Variants in AHI1 observed in about 807,000 individuals in gnomAD.
AHI1 encodes Abelson helper integration site 1.
AHI1 carries 123 observed loss-of-function variants against 149.3 expected under a neutral mutation model. The observed-to-expected ratio is 0.82, with a 90% CI of 0.71 to 0.96. AHI1 has a LOEUF of 0.96. Among genes scored for constraint, AHI1 ranks in the 40% least tolerant of loss-of-function variants. AHI1 has a pLI of 0.00. For synonymous variants in AHI1, 475 were observed against 459.8 expected, an observed-to-expected ratio of 1.03 and a Z score of -0.42; for missense variants, 1,439 against 1,422.7, an observed-to-expected ratio of 1.01 and a Z score of -0.18.
At chr6:135,414,067 G>A (rs1312910461) in intron 20 of AHI1, among the ~76,000 whole-genome samples, 1 of 152,066 alleles carries the variant, frequency 6.6e-6, no homozygotes, top group Non-Finnish European at 1.5e-5. Context: ...AAGAATACCT[G>A]ACTTCAAATC....
chr6:135,455,711 G>A (rs1788826010), intron 10 of AHI1, 23 bp downstream of exon 10: 1 of 1,475,342 alleles, frequency 6.8e-7, no homozygotes, highest in Non-Finnish European at 9.2e-7. Flanking sequence ...CGTTTAATTT[G>A]AATTGGTCCA....
chr6:135,399,931 G>A (rs1779779479), intron 22 of AHI1, among the ~76,000 whole-genome samples: 1 of 151,824 alleles, frequency 6.6e-6, no homozygotes, highest in South Asian at 2.1e-4. Flanking sequence ...AGGTCCAGGG[G>A]TGCATGTGAA....
intron 23 of AHI1, among the ~76,000 whole-genome samples, chr6:135,368,633 T>C (rs927637114): frequency 6.6e-6 from 1 of 152,086 alleles, no homozygotes; most frequent in African/African-American, 2.4e-5. Context: ...CCCAGGAGGA[T>C]TATGGCTGCC....
intron 3 of AHI1, among the ~76,000 whole-genome samples, chr6:135,493,731 A>G (rs986259215): frequency 1.3e-5 from 2 of 152,220 alleles, no homozygotes; most frequent in Non-Finnish European, 2.9e-5. Context: ...GCTGACCTAT[A>G]TTATGACTAT....
At chr6:135,467,503 T>C (rs1790962675) in intron 6 of AHI1, 78 bp downstream of exon 6, 2 of 1,151,758 alleles carry the variant, frequency 1.7e-6, no homozygotes, top group Admixed American at 1.7e-5. Context: ...CAAAAACCAT[T>C]GCTGACTGTG....
chr6:135,394,448 G>A (rs569665475), intron 23 of AHI1, among the ~76,000 whole-genome samples: 37 of 151,956 alleles, frequency 2.4e-4, no homozygotes, highest in African/African-American at 8.9e-4. Context: ...TTATAACATG[G>A]GATTATCCAT....
intron 23 of AHI1, among the ~76,000 whole-genome samples, chr6:135,382,904 AAAAAAAAAAAAAAAAAAAAAAAATAT>A (rs1403532526): frequency 2.2e-5 from 2 of 91,542 alleles, no homozygotes; most frequent in Non-Finnish European, 4.3e-5. Flanking sequence ...TAAAAAAAAA[AAAAAAAAAAAAAAAAAAAAAAAATAT>A]ATATATATAT....
At position 135,340,650 on chromosome 6, in the gene AHI1, C is replaced by CAT. The variant is rs1381069276; in HGVS notation, c.3166-17328_3166-17327dup. Reference sequence around the variant, plus strand: ...ATATAAAAACCAGTACATATATATACATACATACATATATATATATATATA... The same window carrying CAT: ...ATATAAAAACCAGTACATATATATACATATACATACATATATATATATATATA... On this transcript the variant is annotated intron_variant, in intron 24 of 28. Coordinates refer to ENST00000265602, the MANE Select transcript of AHI1 (RefSeq NM_001134831.2). Among the ~76,000 whole-genome samples, 21 of 52,632 alleles carry CAT rather than the reference C, an allele frequency of 4.0e-4. 1 individual carries two copies. The East Asian group carries it at 7.5e-3, about 19-fold the overall frequency. The allele number at this position is 52,632 out of a possible 152,430, so 34.5% of individuals were successfully genotyped here. A position where few individuals can be genotyped will look rare whatever the true frequency, so the allele number is the denominator to read the frequency against.
At chr6:135,352,722 C>T (rs1235852829) in intron 24 of AHI1, among the ~76,000 whole-genome samples, 4 of 149,590 alleles carry the variant, frequency 2.7e-5, no homozygotes, top group African/African-American at 7.4e-5. Context: ...TACACACACA[C>T]ACACACACAC....
chr6:135,315,163 G>A (rs1408219760), intron 26 of AHI1, among the ~76,000 whole-genome samples: 2 of 152,150 alleles, frequency 1.3e-5, no homozygotes, highest in Non-Finnish European at 2.9e-5. Flanking sequence ...ATGTTCAAGA[G>A]TACAACCTGT....
chr6:135,449,282 TC>T (rs1193146078), intron 11 of AHI1, among the ~76,000 whole-genome samples: 3 of 152,150 alleles, frequency 2.0e-5, no homozygotes, highest in Non-Finnish European at 4.4e-5. Flanking sequence ...ACTCCTGGCC[TC>T]AGGTGATCTG....
At chr6:135,374,306 G>C (rs1181077860) in intron 23 of AHI1, among the ~76,000 whole-genome samples, 1 of 151,262 alleles carries the variant, frequency 6.6e-6, no homozygotes, top group African/African-American at 2.4e-5. Context: ...TAGAGACGGG[G>C]TCTCAGTGTG....
In AHI1 at chr6:135,381,198, G is replaced by A. The variant is rs1321277780; in HGVS notation, c.3109+13578C>T. Reference sequence around the variant, plus strand: ...CACTACTGAAGAAGGGAAAAAAAAAGGAAAAGTGGACTCCCACAAAAAACA... The same window carrying A: ...CACTACTGAAGAAGGGAAAAAAAAAAGAAAAGTGGACTCCCACAAAAAACA... On this transcript the variant is annotated intron_variant, in intron 23 of 28. Transcript: ENST00000265602. Among the ~76,000 whole-genome samples the A allele has an allele frequency of 2.6e-5, 4 of 151,924 alleles. No individual in the cohort carries two copies. In the East Asian group the frequency reaches 7.7e-4, roughly 29 times the overall value.
intron 15 of AHI1, 98 bp from the exon 16 acceptor site, chr6:135,433,354 G>T: frequency 1.3e-6 from 1 of 782,762 alleles, no homozygotes; most frequent in Non-Finnish European, 2.0e-6. Flanking sequence ...CCTTAAGCAA[G>T]CAAGTGACAA....
intron 5 of AHI1, among the ~76,000 whole-genome samples, chr6:135,472,129 A>G (rs779268958): frequency 6.0e-5 from 9 of 150,696 alleles, no homozygotes; most frequent in African/African-American, 2.2e-4. Context: ...CAGTCATGTG[A>G]CCACCACCAT....
chr6:135,342,424 C>T (rs866313702), intron 24 of AHI1, among the ~76,000 whole-genome samples: 1 of 151,974 alleles, frequency 6.6e-6, no homozygotes, highest in Middle Eastern at 3.4e-3. Flanking sequence ...ATCGGTATTA[C>T]CATGATCCCA....
At chr6:135,492,672 A>G (rs1406972566) in intron 3 of AHI1, 2 of 985,406 alleles carry the variant, frequency 2.0e-6, no homozygotes, top group African/African-American at 3.5e-5. Context: ...TCCTAAGAGC[A>G]TTCAATATTA....
chr6:135,373,211 T>G (rs533475334), intron 23 of AHI1, among the ~76,000 whole-genome samples: 1 of 152,354 alleles, frequency 6.6e-6, no homozygotes, highest in African/African-American at 2.4e-5. Flanking sequence ...GAGGGTCTCA[T>G]AAGATTATAA....
At chr6:135,314,124 T>C (rs143975052) in intron 26 of AHI1, among the ~76,000 whole-genome samples, 1 of 152,368 alleles carries the variant, frequency 6.6e-6, no homozygotes, top group Non-Finnish European at 1.5e-5. Flanking sequence ...CTTATGTTTA[T>C]GTTATGGACC....
Sources: gnomAD v4.1 joint callset for allele counts (sites outside exome capture counted in the v4.1 genomes callset) on GRCh38, gnomAD v4.1.1 for gene constraint, MANE v1.5 for transcripts, NCBI Gene and HGNC (gene_info 2026-07-23, HGNC 2026-07-21) for gene names.